HK2: variants seen among roughly 807,000 people sequenced by gnomAD.
The protein encoded by HK2 is hexokinase-2.
Under a neutral mutation model 92.9 loss-of-function variants are expected in HK2, and 42 were observed. The ratio of observed to expected loss-of-function variants is 0.45; its 90% CI spans 0.35 to 0.58. The LOEUF (loss-of-function observed/expected upper bound fraction) is 0.58. Ranked by LOEUF, HK2 falls within the 20% of genes least tolerant of loss-of-function variation. HK2 has a pLI of 0.00. For missense variants in HK2, 978 were observed against 1,245.1 expected, an observed-to-expected ratio of 0.79 and a Z score of 3.23; for synonymous variants, 422 against 468.0, an observed-to-expected ratio of 0.90 and a Z score of 1.27.
At chr2:74,876,738 T>C (rs1459333153) in intron 7 of HK2, among the ~76,000 whole-genome samples, 1 of 152,134 alleles carries the variant, frequency 6.6e-6, no homozygotes, top group African/African-American at 2.4e-5. Context: ...AGCTGATGAG[T>C]TTCTAGGCCT....
intron 2 of HK2, among the ~76,000 whole-genome samples, chr2:74,860,963 C>T (rs74662222): frequency 0.036 from 5,527 of 152,204 alleles, 343 homozygotes; most frequent in African/African-American, 0.13. Flanking sequence ...CATTCATTTG[C>T]GTTTGCTAGG....
At chr2:74,862,020 G>A (rs1312592167) in intron 2 of HK2, among the ~76,000 whole-genome samples, 1 of 152,220 alleles carries the variant, frequency 6.6e-6, no homozygotes, top group Admixed American at 6.5e-5. Context: ...CTAGAGAGCA[G>A]GGAACCATGA....
In HK2 at chr2:74,890,878, C is replaced by T. The variant is rs751504482; in HGVS notation, c.2691C>T (p.Ser897=). ...DVSFLQSEDG[S]GKGAALITAV... ...CTTTCCTGCAGTCAGAGGATGGCAG[C>T]GGGAAGGGGGCGGCGCTCATCACTG... is the stretch of plus-strand genomic sequence containing the variant. The change falls in exon 18 of 18, where the codon AGC becomes AGT. Residue 897 remains serine (S), a synonymous_variant. Coordinates refer to ENST00000290573, the MANE Select transcript of HK2 (RefSeq NM_000189.5). 28 of 1,614,184 alleles carry T rather than the reference C, an allele frequency of 1.7e-5. No homozygotes were observed. In the Middle Eastern group the frequency reaches 6.6e-4, roughly 38 times the overall value.
In HK2 at chr2:74,878,787, C is replaced by A. The variant is rs752130582; in HGVS notation, c.1131C>A (p.Ile377=). The change falls in exon 9 of 18, where the codon ATC becomes ATA. Residue 377 remains isoleucine (I), a synonymous_variant. Coordinates refer to ENST00000290573, the MANE Select transcript of HK2 (RefSeq NM_000189.5). ...TGGCCACTCACCGGATCTGCCAGAT[C>A]GTGTCCACACGCTCCGCCAGCCTGT... ...DCVATHRICQ[I]VSTRSASLCA... The A allele has an allele frequency of 2.8e-5, 44 of 1,568,814 alleles. No homozygotes were observed. Among genetic ancestry groups the A allele is most frequent in the Non-Finnish European group, 3.5e-5 (40 of 1,157,694 alleles).
chr2:74,843,701 A>G (rs761513496), intron 1 of HK2, among the ~76,000 whole-genome samples: 1 of 152,002 alleles, frequency 6.6e-6, no homozygotes, highest in Admixed American at 6.5e-5. Flanking sequence ...CTTTTTCCCA[A>G]TCCCTTCCTT....
Position 74,892,674 on chromosome 2 carries a change from G to A in HK2, c.*1733G>A, listed in dbSNP as rs540149451. The stretch of plus-strand genomic sequence containing the variant: ...AGGATCAGAATGGAAAGAAACTCAC[G>A]ATGAAATTGAACCTGGTTTTTGTAT... On this transcript the variant is annotated 3_prime_UTR_variant, in exon 18 of 18. Transcript: ENST00000290573. 6 of 152,224 alleles carry A rather than the reference G, an allele frequency of 3.9e-5. No homozygotes were observed. The highest frequency in any genetic ancestry group is 5.9e-5 in the Non-Finnish European group (4 of 68,048). 9.4% of individuals were successfully genotyped at this position (152,224 alleles called of 1,614,324 possible). A position where few individuals can be genotyped will look rare whatever the true frequency, so the allele number is the denominator to read the frequency against.
At chr2:74,888,157 A>G in intron 16 of HK2, 99 bp downstream of exon 16, 2 of 1,333,456 alleles carry the variant, frequency 1.5e-6, no homozygotes, top group Non-Finnish European at 2.1e-6. Context: ...TGACTCATAC[A>G]AAAGTCAGTT....
intron 8 of HK2, among the ~76,000 whole-genome samples, chr2:74,878,444 C>T (rs982813266): frequency 1.3e-4 from 19 of 151,148 alleles, no homozygotes; most frequent in African/African-American, 3.2e-4. Flanking sequence ...TGTGTGCGCA[C>T]GCACATGCGT....
At chr2:74,866,759 A>G (rs1352313401) in intron 2 of HK2, among the ~76,000 whole-genome samples, 1 of 152,040 alleles carries the variant, frequency 6.6e-6, no homozygotes, top group East Asian at 1.9e-4. Context: ...TCGTACATAC[A>G]TGCTCTGGGG....
rs567443470 is a variant in HK2 at position 74,882,484 on chromosome 2, C to T, written c.1839+245C>T. 1.5e-4 allele frequency among the ~76,000 whole-genome samples: 23 copies of T among 150,972 alleles called. No homozygotes were observed. The South Asian group carries it at 4.0e-3, about 26-fold the overall frequency. On this transcript the variant is annotated intron_variant, in intron 12 of 17. Coordinates refer to ENST00000290573, the MANE Select transcript of HK2 (RefSeq NM_000189.5). ...GATGCTACTCAATGTTAACAACTGC[C>T]GGGTGTGGTGACTCATACCTGTAAT...
intron 1 of HK2, among the ~76,000 whole-genome samples, chr2:74,840,897 A>AG (rs1688298775): frequency 6.8e-6 from 1 of 146,918 alleles, no homozygotes; most frequent in African/African-American, 2.5e-5. Context: ...AAAAAAAAAA[A>AG]AAAAAAAGCT....
intron 4 of HK2, 103 bp downstream of exon 4, chr2:74,872,522 G>T (rs779855738): frequency 1.5e-6 from 2 of 1,299,392 alleles, no homozygotes; most frequent in Non-Finnish European, 2.1e-6. Context: ...AGCACTGGAG[G>T]ATTGTGGAGA....
At chr2:74,887,839 G>C (rs1689575480) in intron 15 of HK2, 64 bp from the exon 16 acceptor site, 1 of 1,537,564 alleles carries the variant, frequency 6.5e-7, no homozygotes, top group Non-Finnish European at 9.0e-7. Context: ...AAGCTGGCCT[G>C]TCCTGTCTCA....
rs2104018015 is a variant in HK2 at position 74,887,958 on chromosome 2, A to G, written c.2275A>G (p.Ile759Val). 6.2e-7 allele frequency: 1 copy of G among 1,614,100 alleles called. No homozygotes were observed. The highest frequency in any genetic ancestry group is 8.5e-7 in the Non-Finnish European group (1 of 1,179,994). Residue 759 changes from isoleucine to valine, a missense_variant, in exon 16 of 18, where the codon ATC becomes GTC. Physicochemically the swap from Ile to Val is conservative, Grantham distance 29. Transcript: ENST00000290573. Reference protein sequence around the residue: ...YLGEIVRNILIDFTKRGLLFR... With the variant: ...YLGEIVRNILVDFTKRGLLFR... ...GGGTGAGATTGTCCGTAACATTCTC[A>G]TCGATTTCACCAAGCGTGGACTACT...
intron 13 of HK2, 40 bp from the exon 14 acceptor site, chr2:74,886,254 G>A: frequency 7.2e-7 from 1 of 1,397,522 alleles, no homozygotes; most frequent in Admixed American, 1.7e-5. Flanking sequence ...AGAATATTGG[G>A]GTTCACCTGT....
chr2:74,838,332 A>T (rs1436658000), intron 1 of HK2, among the ~76,000 whole-genome samples: 1 of 152,104 alleles, frequency 6.6e-6, no homozygotes, highest in African/African-American at 2.4e-5. Context: ...GGGCAGGGCC[A>T]GCTAGTCTTA....
Position 74,891,147 on chromosome 2 carries a change from G to A in HK2, c.*206G>A, listed in dbSNP as rs996786615. 3 of 599,132 alleles carry A rather than the reference G, an allele frequency of 5.0e-6. No homozygotes were observed. The highest frequency in any genetic ancestry group is 8.8e-6 in the Non-Finnish European group (3 of 340,378). 37.1% of individuals were successfully genotyped at this position (599,132 alleles called of 1,614,324 possible). A position where few individuals can be genotyped will look rare whatever the true frequency, so the allele number is the denominator to read the frequency against. Reference sequence around the variant, plus strand: ...TTAAGATAAATAGAGTTCCAAATAAGGATTTGTTCACATGCATCATAACCA... The same window carrying A: ...TTAAGATAAATAGAGTTCCAAATAAAGATTTGTTCACATGCATCATAACCA... On this transcript the variant is annotated 3_prime_UTR_variant, in exon 18 of 18. Coordinates refer to ENST00000290573, the MANE Select transcript of HK2 (RefSeq NM_000189.5).
At chr2:74,860,788 A>G (rs979495567) in intron 2 of HK2, among the ~76,000 whole-genome samples, 3 of 152,204 alleles carry the variant, frequency 2.0e-5, no homozygotes, top group Non-Finnish European at 2.9e-5. Flanking sequence ...AGAATTTGGT[A>G]TATGTTTAAT....
intron 1 of HK2, among the ~76,000 whole-genome samples, chr2:74,853,402 A>G (rs1688616207): frequency 6.6e-6 from 1 of 152,042 alleles, no homozygotes; most frequent in African/African-American, 2.4e-5. Context: ...CTGTAATCCC[A>G]GCTACTCGGG....
Sources: gnomAD v4.1 joint callset for allele counts (sites outside exome capture counted in the v4.1 genomes callset) on GRCh38, gnomAD v4.1.1 for gene constraint, MANE v1.5 for transcripts, NCBI Gene and HGNC (gene_info 2026-07-23, HGNC 2026-07-21) for gene names.